SETBP1: variants seen among roughly 807,000 people sequenced by gnomAD.
The protein encoded by SETBP1 is SET-binding protein.
SETBP1 carries 9 observed loss-of-function variants against 101.0 expected under a neutral mutation model. The observed-to-expected ratio is 0.09, with a 90% CI of 0.05 to 0.16. The LOEUF is 0.16. SETBP1 is among the 10% of genes least tolerant of loss of function. The pLI, the probability that SETBP1 is intolerant of heterozygous loss-of-function variation, is 1.00. For missense variants in SETBP1, 1,858 were observed against 2,033.8 expected, an observed-to-expected ratio of 0.91 and a Z score of 1.66; for synonymous variants, 818 against 788.5, an observed-to-expected ratio of 1.04 and a Z score of -0.63.
intron 2 of SETBP1, among the ~76,000 whole-genome samples, chr18:44,771,282 T>A (rs2070866642): frequency 6.8e-6 from 1 of 146,844 alleles, no homozygotes; most frequent in Non-Finnish European, 1.5e-5. Flanking sequence ...CAATTAAGTG[T>A]CTTTGTGAGC....
intron 3 of SETBP1, among the ~76,000 whole-genome samples, chr18:44,925,516 T>G (rs2144957615): frequency 6.6e-6 from 1 of 152,354 alleles, no homozygotes; most frequent in Non-Finnish European, 1.5e-5. Flanking sequence ...TTTTGTTTTC[T>G]GTTCTCCTTC....
At chr18:44,994,513 T>G (rs917242804) in intron 4 of SETBP1, among the ~76,000 whole-genome samples, 2 of 152,226 alleles carry the variant, frequency 1.3e-5, no homozygotes, top group African/African-American at 4.8e-5. Context: ...TTCCCACATC[T>G]TACCCAACAG....
At chr18:44,848,072 GGTGT>G (rs4024595) in intron 2 of SETBP1, among the ~76,000 whole-genome samples, 7,463 of 148,590 alleles carry the variant, frequency 0.05, 180 homozygotes, top group African/African-American at 0.066. Flanking sequence ...ACTCTCTGAA[GGTGT>G]GTGTGTGTGT....
chr18:44,861,229 C>CTTTTTTTTTTTTTTT (rs775284488), intron 2 of SETBP1, among the ~76,000 whole-genome samples: 3 of 88,348 alleles, frequency 3.4e-5, no homozygotes, highest in African/African-American at 1.3e-4. Flanking sequence ...TTTTTCTTTT[C>CTTTTTTTTTTTTTTT]TTTTTTTTTT....
chr18:44,967,172 A>T (rs2071738316), intron 4 of SETBP1, among the ~76,000 whole-genome samples: 1 of 152,224 alleles, frequency 6.6e-6, no homozygotes, highest in African/African-American at 2.4e-5. Flanking sequence ...CATGATGAAG[A>T]TAAGGTGTCA....
intron 2 of SETBP1, among the ~76,000 whole-genome samples, chr18:44,753,080 C>T (rs1018579180): frequency 1.3e-5 from 2 of 152,140 alleles, no homozygotes; most frequent in African/African-American, 4.8e-5. Flanking sequence ...TGTTACATTG[C>T]TATATTCTCT....
At position 44,952,229 on chromosome 18, in the gene SETBP1, G is replaced by C. The variant is rs2071374417; in HGVS notation, c.2889G>C (p.Lys963Asn). 1.2e-6 allele frequency: 2 copies of C among 1,614,006 alleles called. No individual in the cohort carries two copies. The highest frequency in any genetic ancestry group is 2.2e-5 in the South Asian group (2 of 91,090). The part of the protein sequence containing the change: ...FLADLEELIT[K>N]FQVFRISHRS... ...CAGACCTGGAGGAGCTAATCACCAA[G>C]TTCCAAGTGTTCAGAATCTCCCACC... The change falls in exon 4 of 6, where the codon AAG becomes AAC. Residue 963 changes from lysine (K) to asparagine (N), a missense_variant. Transcript: ENST00000649279.
chr18:44,779,538 C>T (rs1056155035), intron 2 of SETBP1, among the ~76,000 whole-genome samples: 32 of 151,948 alleles, frequency 2.1e-4, no homozygotes, highest in African/African-American at 5.3e-4. Flanking sequence ...ATGGCCTGTC[C>T]GTGGTTACAC....
At chr18:44,812,361 A>G (rs1173850898) in intron 2 of SETBP1, among the ~76,000 whole-genome samples, 4 of 152,148 alleles carry the variant, frequency 2.6e-5, no homozygotes, top group Non-Finnish European at 5.9e-5. Context: ...TTGGCCATCT[A>G]TGATTTGCTT....
intron 3 of SETBP1, among the ~76,000 whole-genome samples, chr18:44,874,413 T>C (rs1451976576): frequency 6.6e-6 from 1 of 152,160 alleles, no homozygotes; most frequent in Non-Finnish European, 1.5e-5. Flanking sequence ...AGAACTGTGA[T>C]AGATGAAGGT....
chr18:45,032,241 T>C (rs1036148180), intron 4 of SETBP1, among the ~76,000 whole-genome samples: 8 of 152,146 alleles, frequency 5.3e-5, no homozygotes, highest in African/African-American at 1.9e-4. Context: ...TGAGATCTCA[T>C]TTGCCTCCTA....
intron 2 of SETBP1, among the ~76,000 whole-genome samples, chr18:44,823,868 T>C (rs1249077436): frequency 6.6e-6 from 1 of 152,198 alleles, no homozygotes. Flanking sequence ...AGGTGAGCAG[T>C]GAGGTTAAAA....
intron 4 of SETBP1, among the ~76,000 whole-genome samples, chr18:45,006,817 A>G (rs150435472): frequency 3.3e-3 from 499 of 152,336 alleles, no homozygotes; most frequent in Non-Finnish European, 5.2e-3. Context: ...TCAACCCACA[A>G]TAGCAACTAA....
intron 2 of SETBP1, among the ~76,000 whole-genome samples, chr18:44,787,334 C>T (rs1365338949): frequency 6.6e-6 from 1 of 152,160 alleles, no homozygotes; most frequent in Non-Finnish European, 1.5e-5. Context: ...CAAACAGGAA[C>T]TGCTTTCCTT....
chr18:44,756,333 C>T (rs148743878), intron 2 of SETBP1, among the ~76,000 whole-genome samples: 3 of 152,258 alleles, frequency 2.0e-5, no homozygotes, highest in South Asian at 2.1e-4. Context: ...AAGTGCTATG[C>T]GGTTTTTCCC....
At chr18:44,925,013 T>G (rs12969631) in intron 3 of SETBP1, among the ~76,000 whole-genome samples, 25 of 142,860 alleles carry the variant, frequency 1.7e-4, no homozygotes, top group African/African-American at 4.8e-4. Context: ...GTGAGTTTTT[T>G]TTTTTTTTTT....
chr18:44,769,374 A>G (rs1364432712), intron 2 of SETBP1, among the ~76,000 whole-genome samples: 4 of 152,236 alleles, frequency 2.6e-5, no homozygotes, highest in Non-Finnish European at 5.9e-5. Flanking sequence ...AAGGTTCAAA[A>G]TACAAAAGTC....
chr18:44,718,778 T>C (rs1033807067), intron 2 of SETBP1, among the ~76,000 whole-genome samples: 6 of 152,148 alleles, frequency 3.9e-5, no homozygotes, highest in African/African-American at 1.4e-4. Context: ...TGTTTGTTGC[T>C]TCACCCAAGG....
chr18:44,930,047 A>G (rs1177206761), intron 3 of SETBP1, among the ~76,000 whole-genome samples: 3 of 152,202 alleles, frequency 2.0e-5, no homozygotes, highest in African/African-American at 7.2e-5. Context: ...GTTTTTGCCC[A>G]TTCAGTATGA....
Sources: gnomAD v4.1 joint callset for allele counts (sites outside exome capture counted in the v4.1 genomes callset) on GRCh38, gnomAD v4.1.1 for gene constraint, MANE v1.5 for transcripts, NCBI Gene and HGNC (gene_info 2026-07-23, HGNC 2026-07-21) for gene names.